Variants in NDST3 observed in about 807,000 individuals in gnomAD.
NDST3 encodes bifunctional heparan sulfate N-deacetylase/N-sulfotransferase 3.
In NDST3, 58 loss-of-function variants were observed where a neutral mutation model predicts 96.1. That is an observed-to-expected ratio of 0.60 (90% CI 0.49 to 0.75). The LOEUF (loss-of-function observed/expected upper bound fraction) is 0.75, where lower values mean the gene tolerates loss of function less well. Ranked by LOEUF, NDST3 falls within the 30% of genes least tolerant of loss-of-function variation. The pLI is 0.00. For synonymous variants in NDST3, 333 were observed against 359.7 expected, an observed-to-expected ratio of 0.93 and a Z score of 0.84; for missense variants, 788 against 1,034.2, an observed-to-expected ratio of 0.76 and a Z score of 3.27.
chr4:118,145,207 C>T (rs1472594299), intron 6 of NDST3, among the ~76,000 whole-genome samples: 2 of 152,148 alleles, frequency 1.3e-5, no homozygotes, highest in Non-Finnish European at 2.9e-5. Context: ...CAGTAATATA[C>T]AGTCAAAAAG....
chr4:118,054,032 A>G lies in NDST3; in HGVS notation c.122A>G (p.Asn41Ser), dbSNP rs1725251039. ...CTGTACAGTGGCTACAAACAGGAAA[A>G]TGAACTCTCTGAGACGGCTTCAGAA... ...YYLYSGYKQE[N>S]ELSETASEVD... The change falls in exon 2 of 14, where the codon AAT becomes AGT. Residue 41 changes from asparagine (N) to serine (S), a missense_variant. Asn to Ser is a conservative substitution (Grantham distance 46, BLOSUM62 1). Around this residue, in one of 3 missense-constraint regions of NDST3, gnomAD observed 234 missense variants for 256.9 expected, o/e 0.91. Transcript: ENST00000296499. 3 of 1,612,968 alleles carry G rather than the reference A, an allele frequency of 1.9e-6. No homozygotes were observed. The highest frequency in any genetic ancestry group is 1.1e-5 in the South Asian group (1 of 91,050).
chr4:118,168,154 C>A (rs1735683018), intron 6 of NDST3, among the ~76,000 whole-genome samples: 1 of 151,312 alleles, frequency 6.6e-6, no homozygotes, highest in Non-Finnish European at 1.5e-5. Context: ...GAGAAAATAC[C>A]CTCATATTGT....
At chr4:118,126,647 C>T (rs555726879) in intron 4 of NDST3, among the ~76,000 whole-genome samples, 46 of 151,690 alleles carry the variant, frequency 3.0e-4, no homozygotes, top group African/African-American at 1.0e-3. Flanking sequence ...AGTGCTGCAA[C>T]GAACATGAGA....
intron 5 of NDST3, among the ~76,000 whole-genome samples, chr4:118,142,122 G>GT (rs1374492682): frequency 6.6e-6 from 1 of 151,876 alleles, no homozygotes; most frequent in Non-Finnish European, 1.5e-5. Context: ...GCATTTAGTT[G>GT]TTTTTTGTTA....
At chr4:118,152,696 C>A (rs1734478813) in intron 6 of NDST3, among the ~76,000 whole-genome samples, 2 of 152,258 alleles carry the variant, frequency 1.3e-5, no homozygotes, top group African/African-American at 4.8e-5. Context: ...ACATGTCTAA[C>A]TTTCTCTTTT....
At chr4:118,252,978 T>C (rs189531695) in intron 12 of NDST3, among the ~76,000 whole-genome samples, 1 of 152,228 alleles carries the variant, frequency 6.6e-6, no homozygotes, top group Admixed American at 6.5e-5. Flanking sequence ...AAAGTAGCTC[T>C]GAAAAAAATT....
At chr4:118,196,456 G>A (rs1235406256) in intron 6 of NDST3, among the ~76,000 whole-genome samples, 3 of 152,192 alleles carry the variant, frequency 2.0e-5, no homozygotes, top group African/African-American at 7.2e-5. Context: ...GCATAATTCA[G>A]TATTGAAGTC....
intron 2 of NDST3, among the ~76,000 whole-genome samples, chr4:118,062,412 T>A (rs142861000): frequency 2.6e-5 from 4 of 152,152 alleles, no homozygotes; most frequent in South Asian, 2.1e-4. Flanking sequence ...AGTTTTATGA[T>A]TGTCACAATA....
intron 6 of NDST3, among the ~76,000 whole-genome samples, chr4:118,166,493 C>A (rs764795441): frequency 4.6e-5 from 7 of 151,846 alleles, no homozygotes; most frequent in Non-Finnish European, 7.4e-5. Context: ...TAATGCCAAT[C>A]CTTATCAAAC....
chr4:118,239,401 G>A (rs1037934207), intron 10 of NDST3, among the ~76,000 whole-genome samples: 3 of 152,112 alleles, frequency 2.0e-5, no homozygotes, highest in African/African-American at 7.2e-5. Context: ...AGACATCCTG[G>A]AAAGCTAAGA....
In NDST3 at chr4:118,237,092, T is replaced by C. The variant is rs1383931002; in HGVS notation, c.1990T>C (p.Leu664=). 8.7e-6 allele frequency: 14 copies of C among 1,612,116 alleles called. No individual in the cohort carries two copies. Among genetic ancestry groups the C allele is most frequent in the Non-Finnish European group, 1.1e-5 (13 of 1,179,034 alleles). The change falls in exon 10 of 14, where the codon TTG becomes CTG. Residue 664 remains leucine (L), a synonymous_variant. Coordinates refer to ENST00000296499, the MANE Select transcript of NDST3 (RefSeq NM_004784.3). ...PVPSNVTTDF[L]FEKSANYFHS... is the part of the protein sequence containing the mutation. ...CCCATCTAATGTCACTACCGACTTT[T>C]TGTTTGAGAAGAGTGCCAATTACTT...
intron 6 of NDST3, among the ~76,000 whole-genome samples, chr4:118,159,175 G>C (rs1330676993): frequency 1.3e-5 from 2 of 152,178 alleles, no homozygotes; most frequent in African/African-American, 2.4e-5. Context: ...ATGGTTGCCC[G>C]AGAAACTAGT....
intron 6 of NDST3, among the ~76,000 whole-genome samples, chr4:118,222,630 G>A (rs1179746077): frequency 1.3e-5 from 2 of 151,914 alleles, no homozygotes; most frequent in Admixed American, 6.6e-5. Context: ...AAAGTTCCAC[G>A]CTTGGAGGCT....
At chr4:118,232,619 T>C (rs1740376140) in intron 8 of NDST3, among the ~76,000 whole-genome samples, 1 of 141,848 alleles carries the variant, frequency 7.0e-6, no homozygotes, top group Non-Finnish European at 1.5e-5. Flanking sequence ...GCCTGGGCAA[T>C]ATAGTAAGAT....
At chr4:118,173,054 T>C (rs1217668767) in intron 6 of NDST3, among the ~76,000 whole-genome samples, 1 of 152,100 alleles carries the variant, frequency 6.6e-6, no homozygotes, top group Admixed American at 6.6e-5. Flanking sequence ...AAAAGGAATC[T>C]ACTTTGTGCC....
Position 118,232,057 on chromosome 4 carries a change from A to G in NDST3, c.1820-955A>G, listed in dbSNP as rs76881090. Among the ~76,000 whole-genome samples the G allele has an allele frequency of 6.3e-3, 950 of 151,982 alleles. 11 individuals carry two copies. The highest frequency in any genetic ancestry group is 0.021 in the African/African-American group (890 of 41,452). On this transcript the variant is annotated intron_variant, in intron 8 of 13. Coordinates refer to ENST00000296499, the MANE Select transcript of NDST3 (RefSeq NM_004784.3). ...AGAAAGGGCACCATTTTTTTTTCCA[A>G]TTTAGCAATTTAAACAATTTTTGAC...
chr4:118,125,815 T>C (rs1732003964), intron 4 of NDST3, among the ~76,000 whole-genome samples: 1 of 152,088 alleles, frequency 6.6e-6, no homozygotes, highest in Non-Finnish European at 1.5e-5. Context: ...CCAGAAATAT[T>C]ATCATTTATC....
intron 6 of NDST3, among the ~76,000 whole-genome samples, chr4:118,150,160 G>A (rs1190883758): frequency 6.6e-6 from 1 of 151,972 alleles, no homozygotes; most frequent in South Asian, 2.1e-4. Context: ...TTGTTTGCCA[G>A]TATTTTATTG....
In NDST3 at chr4:118,152,933, CCATAT is replaced by C. The variant is rs150832079; in HGVS notation, c.1539+9252_1539+9256del. Among the ~76,000 whole-genome samples the C allele has an allele frequency of 5.1e-3, 774 of 152,268 alleles. 6 individuals carry two copies. Among genetic ancestry groups the C allele is most frequent in the African/African-American group, 0.018 (733 of 41,530 alleles). On this transcript the variant is annotated intron_variant, in intron 6 of 13. Transcript: ENST00000296499. ...CTTCAGCTCACCTTTCTGAGTCAGC[CCATAT>C]CAGTCCTGGCCTTCTGTGAAATGTC...
Sources: allele counts gnomAD v4.1 joint callset (sites outside exome capture counted in the v4.1 genomes callset), GRCh38; gene constraint gnomAD v4.1.1; regional missense constraint gnomAD v4.1.1; transcripts MANE v1.5; gene names NCBI Gene and HGNC (gene_info 2026-07-23, HGNC 2026-07-21).